LDLRAD4: variants seen among roughly 807,000 people sequenced by gnomAD.
LDLRAD4 encodes low-density lipoprotein receptor class A domain-containing protein 4.
LDLRAD4 carries 5 observed loss-of-function variants against 17.0 expected under a neutral mutation model. The ratio of observed to expected loss-of-function variants is 0.29; its 90% CI spans 0.15 to 0.62. The LOEUF is 0.62. LDLRAD4 is among the 20% of genes least tolerant of loss of function. The pLI is 0.84. For missense variants in LDLRAD4, 340 were observed against 424.7 expected (o/e 0.80, Z 1.75); for synonymous variants, 168 against 171.8 (o/e 0.98, Z 0.17).
intron 3 of LDLRAD4, among the ~76,000 whole-genome samples, chr18:13,486,289 G>A (rs1568235612): frequency 2.0e-5 from 3 of 152,104 alleles, no homozygotes; most frequent in Non-Finnish European, 4.4e-5. Context: ...ATTTATTTTT[G>A]GTTTGTGACT....
intron 1 of LDLRAD4, among the ~76,000 whole-genome samples, chr18:13,232,322 A>T (rs1167472238): frequency 6.6e-6 from 1 of 151,688 alleles, no homozygotes; most frequent in African/African-American, 2.4e-5. Flanking sequence ...CTCCTGTCCC[A>T]CTCGCCTCCC....
chr18:13,352,413 A>G (rs1252657196), intron 1 of LDLRAD4, among the ~76,000 whole-genome samples: 1 of 152,244 alleles, frequency 6.6e-6, no homozygotes, highest in African/African-American at 2.4e-5. Flanking sequence ...TCAGCAGTTT[A>G]AATAAATCCT....
intron 1 of LDLRAD4, among the ~76,000 whole-genome samples, chr18:13,234,426 C>A (rs1176873497): frequency 7.6e-6 from 1 of 130,738 alleles, no homozygotes; most frequent in African/African-American, 2.8e-5. Flanking sequence ...GTCTTCTTGT[C>A]CCTGTCCTGG....
chr18:13,334,333 G>A (rs573492847), intron 1 of LDLRAD4, among the ~76,000 whole-genome samples: 1 of 152,248 alleles, frequency 6.6e-6, no homozygotes, highest in Admixed American at 6.5e-5. Context: ...CACCTCCTGG[G>A]TTCAAGAGAT....
intron 3 of LDLRAD4, among the ~76,000 whole-genome samples, chr18:13,534,616 C>G (rs1343910726): frequency 1.3e-5 from 2 of 151,832 alleles, no homozygotes; most frequent in African/African-American, 4.8e-5. Flanking sequence ...GTCTGGTGTG[C>G]CCTGTACTTT....
chr18:13,345,258 G>C (rs112104635), intron 1 of LDLRAD4, among the ~76,000 whole-genome samples: 2,633 of 152,048 alleles, frequency 0.017, 72 homozygotes, highest in African/African-American at 0.06. Flanking sequence ...TACATCCCAT[G>C]AATACCTAAT....
At position 13,367,874 on chromosome 18, in the gene LDLRAD4, C is replaced by A. The variant is rs141888471; in HGVS notation, c.-382-19467C>A. On this transcript the variant is annotated intron_variant, in intron 1 of 5. Coordinates refer to ENST00000359446, the Ensembl canonical transcript of LDLRAD4. The surrounding 1 kb of genome is among the most constrained non-coding windows in gnomAD (Gnocchi z 4.1). Reference sequence around the variant, plus strand: ...TATCAAGGGGTGTATCGAGAGGGGACGACTGGGCATGGGGGCGTGTGCCTG... The same window carrying A: ...TATCAAGGGGTGTATCGAGAGGGGAAGACTGGGCATGGGGGCGTGTGCCTG... Among the ~76,000 whole-genome samples the A allele has an allele frequency of 6.6e-6, 1 of 151,302 alleles. No homozygotes were observed. The highest frequency in any genetic ancestry group is 1.5e-5 in the Non-Finnish European group (1 of 67,798).
At chr18:13,276,827 T>A (rs955502298), upstream of LDLRAD4, among the ~76,000 whole-genome samples, 1 of 151,790 alleles carries the variant, frequency 6.6e-6, no homozygotes. Context: ...GGGGAGGGAG[T>A]TGTACAGGGT....
At chr18:13,365,338 C>G (rs1258359602) in intron 1 of LDLRAD4, among the ~76,000 whole-genome samples, 1 of 152,206 alleles carries the variant, frequency 6.6e-6, no homozygotes, top group Non-Finnish European at 1.5e-5. Context: ...GAAAACTTGG[C>G]TTCCCTCATG....
At chr18:13,554,850 C>T (rs1313101978) in intron 3 of LDLRAD4, among the ~76,000 whole-genome samples, 45 of 152,056 alleles carry the variant, frequency 3.0e-4, no homozygotes. Flanking sequence ...ATTGTGATGC[C>T]CTTCCACATG....
rs1037685825 is a variant in LDLRAD4 at position 13,440,202 on chromosome 18, C to T, written c.181+1818C>T. ...CGCTCCACAGGCCTCTTCTGGTCTG[C>T]GGGCTCCTCCTTTACTTCAGGGCCC... On this transcript the variant is annotated intron_variant, in intron 3 of 5. Transcript: ENST00000359446. This position sits in a 1 kb window ranked among gnomAD's most constrained non-coding sequence, Gnocchi z 4.4. 2.6e-5 allele frequency among the ~76,000 whole-genome samples: 4 copies of T among 152,214 alleles called. No homozygotes were observed. Among genetic ancestry groups the T allele is most frequent in the Admixed American group, 6.5e-5 (1 of 15,290 alleles).
intron 3 of LDLRAD4, among the ~76,000 whole-genome samples, chr18:13,482,622 G>A (rs1178554788): frequency 6.6e-6 from 1 of 152,198 alleles, no homozygotes; most frequent in Admixed American, 6.5e-5. Flanking sequence ...GGACTGCAGG[G>A]GCCGCCTCTC....
intron 1 of LDLRAD4, among the ~76,000 whole-genome samples, chr18:13,286,354 G>A (rs1356644679): frequency 6.6e-6 from 1 of 152,146 alleles, no homozygotes; most frequent in Non-Finnish European, 1.5e-5. Flanking sequence ...AGAAAGTTAG[G>A]GTCAAACTAT....
chr18:13,593,578 C>T (rs927943204), intron 3 of LDLRAD4, among the ~76,000 whole-genome samples: 2 of 152,026 alleles, frequency 1.3e-5, no homozygotes, highest in East Asian at 3.8e-4. Context: ...TCCGTCCGTC[C>T]GTCCGTCCAT....
At chr18:13,649,477 A>G (rs2043152009) in exon 6 of LDLRAD4, 1 of 152,252 alleles carries the variant, frequency 6.6e-6, no homozygotes, top group South Asian at 2.1e-4. Context: ...TCCTCAGGCC[A>G]GATACTGATT....
rs182047688 is a variant in LDLRAD4, at chr18:13,625,920, C to T, written c.336+4649C>T. ...TGACACTGGCACCTTCCTCCCATGTCCCTTGGCCTGGGACAGTGCATGCTG... is the reference window on the plus strand; with the variant it reads ...TGACACTGGCACCTTCCTCCCATGTTCCTTGGCCTGGGACAGTGCATGCTG... On this transcript the variant is annotated intron_variant, in intron 4 of 5. Coordinates refer to ENST00000359446, the Ensembl canonical transcript of LDLRAD4. 4.7e-3 allele frequency among the ~76,000 whole-genome samples: 701 copies of T among 150,192 alleles called. 7 individuals carry two copies. Among genetic ancestry groups the T allele is most frequent in the African/African-American group, 0.016 (638 of 40,736 alleles).
At chr18:13,565,536 C>T (rs932725306) in intron 3 of LDLRAD4, among the ~76,000 whole-genome samples, 2 of 152,266 alleles carry the variant, frequency 1.3e-5, no homozygotes, top group African/African-American at 2.4e-5. Flanking sequence ...GCATGAGCCG[C>T]CCTCACAGCT....
intron 3 of LDLRAD4, chr18:13,470,920 C>G (rs1026650151): frequency 6.6e-6 from 1 of 152,060 alleles, no homozygotes; most frequent in Admixed American, 6.5e-5. Context: ...CCCTGGTAAC[C>G]GCCCTCTCCC....
At chr18:13,425,535 G>A (rs2089861947) in intron 2 of LDLRAD4, among the ~76,000 whole-genome samples, 1 of 152,186 alleles carries the variant, frequency 6.6e-6, no homozygotes. Context: ...GGAAGGTGGA[G>A]GAATATGACA....
Sources: allele counts gnomAD v4.1 joint callset (sites outside exome capture counted in the v4.1 genomes callset), GRCh38; gene constraint gnomAD v4.1.1; non-coding constraint Gnocchi (gnomAD v3.1); transcripts MANE v1.5; gene names NCBI Gene and HGNC (gene_info 2026-07-23, HGNC 2026-07-21).